RPAP2: variants seen among roughly 807,000 people sequenced by gnomAD.
RPAP2 encodes the protein putative RNA polymerase II subunit B1 CTD phosphatase RPAP2.
A neutral mutation model predicts 73.1 loss-of-function variants in RPAP2; 52 were observed. The observed-to-expected ratio is 0.71, with a 90% CI of 0.57 to 0.90. The LOEUF is 0.90. Among genes scored for constraint, RPAP2 ranks in the 40% least tolerant of loss-of-function variants. RPAP2 has a pLI of 0.00. For missense variants in RPAP2, 598 were observed against 701.8 expected (o/e 0.85, Z 1.67); for synonymous variants, 225 against 242.1 (o/e 0.93, Z 0.65).
intron 6 of RPAP2, among the ~76,000 whole-genome samples, chr1:92,314,217 A>G (rs1651768713): frequency 6.6e-6 from 1 of 152,048 alleles, no homozygotes; most frequent in Admixed American, 6.6e-5. Flanking sequence ...TGCCTTCCTC[A>G]CTAAGCTTAA....
intron 9 of RPAP2, 60 bp downstream of exon 9, chr1:92,333,533 C>A: frequency 1.8e-6 from 2 of 1,131,008 alleles, no homozygotes; most frequent in Non-Finnish European, 2.7e-6. Context: ...GACATTTAAG[C>A]TCATAATGTG....
intron 11 of RPAP2, among the ~76,000 whole-genome samples, chr1:92,374,575 C>T (rs1173988389): frequency 6.6e-6 from 1 of 152,100 alleles, no homozygotes. Context: ...CAGTATGTGT[C>T]CTAAAAAGAA....
At chr1:92,314,204 A>C (rs772568718) in intron 6 of RPAP2, among the ~76,000 whole-genome samples, 3 of 152,208 alleles carry the variant, frequency 2.0e-5, no homozygotes, top group Non-Finnish European at 4.4e-5. Flanking sequence ...TCAGCTTTTG[A>C]CATGCCTTCC....
intron 11 of RPAP2, among the ~76,000 whole-genome samples, chr1:92,367,830 C>T (rs986505954): frequency 5.3e-5 from 8 of 152,162 alleles, no homozygotes; most frequent in South Asian, 2.1e-4. Context: ...AGTGTTGTTC[C>T]GTGTCATTTT....
intron 9 of RPAP2, among the ~76,000 whole-genome samples, chr1:92,334,133 G>T (rs1265772006): frequency 2.0e-5 from 3 of 152,150 alleles, no homozygotes; most frequent in Admixed American, 2.0e-4. Flanking sequence ...GGAAAAGTGT[G>T]TCAGTCATTA....
intron 11 of RPAP2, among the ~76,000 whole-genome samples, chr1:92,353,093 G>T (rs1389364332): frequency 6.6e-6 from 1 of 152,108 alleles, no homozygotes; most frequent in African/African-American, 2.4e-5. Flanking sequence ...TTCATCAGTT[G>T]ACAAACATTT....
intron 10 of RPAP2, among the ~76,000 whole-genome samples, chr1:92,342,561 C>T (rs1653657436): frequency 6.6e-6 from 1 of 152,162 alleles, no homozygotes; most frequent in Non-Finnish European, 1.5e-5. Context: ...TTAACAGCAT[C>T]ATTTTGGCTG....
intron 2 of RPAP2, 55 bp from the exon 3 acceptor site, chr1:92,301,419 CAT>C (rs1650848943): frequency 1.1e-6 from 1 of 872,608 alleles, no homozygotes; most frequent in African/African-American, 1.7e-5. Flanking sequence ...TATTTTAAAA[CAT>C]GGAATGTTGG....
chr1:92,306,737 G>T (rs1481665574), intron 5 of RPAP2, among the ~76,000 whole-genome samples: 1 of 152,068 alleles, frequency 6.6e-6, no homozygotes, highest in Non-Finnish European at 1.5e-5. Flanking sequence ...TACTCAGGAG[G>T]CTGAAACCAG....
chr1:92,329,121 C>T (rs2101206626), intron 8 of RPAP2, among the ~76,000 whole-genome samples: 1 of 152,124 alleles, frequency 6.6e-6, no homozygotes, highest in Middle Eastern at 3.4e-3. Flanking sequence ...GGCCTTCAGC[C>T]AGGAGGTGGT....
rs1223250603 is a variant in RPAP2 at position 92,393,372 on chromosome 1, A to G, written c.*6361A>G. ...CTTAAACGTAAGACCTAGGACCATAAAAATCCTAGAAGAAAACCTGGGCAA... is the reference window on the plus strand; with the variant it reads ...CTTAAACGTAAGACCTAGGACCATAGAAATCCTAGAAGAAAACCTGGGCAA... On this transcript the variant is annotated 3_prime_UTR_variant, in exon 13 of 13. Transcript: ENST00000610020. The G allele has an allele frequency of 6.6e-6, 1 of 152,230 alleles. No homozygotes were observed. The highest frequency in any genetic ancestry group is 1.5e-5 in the Non-Finnish European group (1 of 68,040). The allele number at this position is 152,230 out of a possible 1,614,324, so 9.4% of individuals were successfully genotyped here.
At chr1:92,314,392 T>C (rs1463971537) in intron 6 of RPAP2, among the ~76,000 whole-genome samples, 1 of 151,898 alleles carries the variant, frequency 6.6e-6, no homozygotes, top group African/African-American at 2.4e-5. Flanking sequence ...TTATTTATTC[T>C]AAGTTGCATA....
At chr1:92,365,979 A>AT (rs1226937451) in intron 11 of RPAP2, among the ~76,000 whole-genome samples, 1 of 152,298 alleles carries the variant, frequency 6.6e-6, no homozygotes, top group South Asian at 2.1e-4. Context: ...AGTCAGTCTC[A>AT]TAAAAAAAAA....
intron 6 of RPAP2, among the ~76,000 whole-genome samples, chr1:92,317,167 T>C (rs1651956507): frequency 2.0e-5 from 3 of 151,632 alleles, no homozygotes; most frequent in Admixed American, 2.0e-4. Flanking sequence ...CTATGTGATC[T>C]TAGGAAGTCA....
At chr1:92,348,374 A>G (rs1654022768) in intron 11 of RPAP2, among the ~76,000 whole-genome samples, 1 of 152,182 alleles carries the variant, frequency 6.6e-6, no homozygotes, top group Non-Finnish European at 1.5e-5. Flanking sequence ...AGCTTCTTTA[A>G]AAATCTTTGG....
intron 10 of RPAP2, among the ~76,000 whole-genome samples, chr1:92,341,913 G>A (rs1653614892): frequency 6.6e-6 from 1 of 152,172 alleles, no homozygotes; most frequent in Non-Finnish European, 1.5e-5. Flanking sequence ...AACGTGCTAG[G>A]ATTACAGGCG....
At chr1:92,318,199 C>A (rs931433483) in intron 6 of RPAP2, among the ~76,000 whole-genome samples, 3 of 152,188 alleles carry the variant, frequency 2.0e-5, no homozygotes, top group Non-Finnish European at 4.4e-5. Flanking sequence ...TCCAGTCATA[C>A]TTTTTTTCTA....
At chr1:92,359,763 C>A (rs1456830633) in intron 11 of RPAP2, among the ~76,000 whole-genome samples, 3 of 152,068 alleles carry the variant, frequency 2.0e-5, no homozygotes, top group Non-Finnish European at 4.4e-5. Flanking sequence ...AAATCAGAGA[C>A]CTAGATTTTA....
intron 5 of RPAP2, among the ~76,000 whole-genome samples, chr1:92,306,202 G>A (rs546043661): frequency 1.3e-5 from 2 of 152,276 alleles, no homozygotes; most frequent in East Asian, 3.9e-4. Context: ...AAAGTAGAAT[G>A]ATCATCAAGA....
Sources: allele counts gnomAD v4.1 joint callset (sites outside exome capture counted in the v4.1 genomes callset), GRCh38; gene constraint gnomAD v4.1.1; transcripts MANE v1.5; gene names NCBI Gene and HGNC (gene_info 2026-07-23, HGNC 2026-07-21).